SGCD: variants seen among roughly 807,000 people sequenced by gnomAD.
SGCD encodes the protein sarcoglycan delta, also known as delta-sarcoglycan.
In SGCD, 18 loss-of-function variants were observed where a neutral mutation model predicts 36.6. That is an observed-to-expected ratio of 0.49 (90% CI 0.34 to 0.73). The LOEUF (loss-of-function observed/expected upper bound fraction) is 0.73, where lower values mean the gene tolerates loss of function less well. Ranked by LOEUF, SGCD falls within the 30% of genes least tolerant of loss-of-function variation. The pLI is 0.01. For synonymous variants in SGCD, 133 were observed against 130.6 expected (o/e 1.02, Z -0.12); for missense variants, 387 against 346.7 (o/e 1.12, Z -0.92).
chr5:156,524,123 T>C (rs1317678116), intron 4 of SGCD, among the ~76,000 whole-genome samples: 1 of 105,050 alleles, frequency 9.5e-6, no homozygotes, highest in Non-Finnish European at 1.9e-5. Flanking sequence ...TATATATATA[T>C]ATATATATAT....
intron 3 of SGCD, among the ~76,000 whole-genome samples, chr5:156,443,431 G>A (rs1017529255): frequency 6.6e-6 from 1 of 152,166 alleles, no homozygotes; most frequent in Non-Finnish European, 1.5e-5. Flanking sequence ...ATGTGATTCT[G>A]CAGCGTTTCC....
In SGCD at chr5:156,301,099, T is replaced by A. The variant is rs910964352; in HGVS notation, c.-43-28435T>A. ...TTCCATTTATATTCAATATTATTAT[T>A]GATAAGTAAGGACTTGCTCCTGCCA... On this transcript the variant is annotated intron_variant, in intron 3 of 9. Transcript: ENST00000517913. Among the ~76,000 whole-genome samples the A allele has an allele frequency of 5.9e-5, 9 of 152,190 alleles. No homozygotes were observed. The East Asian group carries it at 1.3e-3, about 23-fold the overall frequency.
chr5:156,188,665 AC>A (rs749449803), intron 3 of SGCD, among the ~76,000 whole-genome samples: 8 of 118,566 alleles, frequency 6.7e-5, no homozygotes, highest in Non-Finnish European at 9.1e-5. Flanking sequence ...GACCACCCCA[AC>A]CGCCCCCCCC....
At chr5:156,173,426 T>C (rs915374617) in intron 3 of SGCD, among the ~76,000 whole-genome samples, 1 of 152,180 alleles carries the variant, frequency 6.6e-6, no homozygotes, top group African/African-American at 2.4e-5. Context: ...AATGTCTTTT[T>C]GTTCTTAACA....
intron 3 of SGCD, among the ~76,000 whole-genome samples, chr5:156,417,191 A>T (rs1308998401): frequency 6.6e-6 from 1 of 152,192 alleles, no homozygotes; most frequent in Admixed American, 6.5e-5. Flanking sequence ...GAATTTTTTC[A>T]TCTCATTCCC....
chr5:156,384,702 T>C (rs1771182797), intron 3 of SGCD, among the ~76,000 whole-genome samples: 1 of 152,226 alleles, frequency 6.6e-6, no homozygotes, highest in Non-Finnish European at 1.5e-5. Context: ...TTGTCAATGG[T>C]ATCAGATGTG....
chr5:156,111,275 G>A (rs1358842915), intron 1 of SGCD, among the ~76,000 whole-genome samples: 4 of 152,126 alleles, frequency 2.6e-5, no homozygotes, highest in African/African-American at 9.7e-5. Flanking sequence ...ATGATGCCAA[G>A]TGTGGCTGGT....
At chr5:156,074,089 A>G (rs1488914813) in intron 1 of SGCD, among the ~76,000 whole-genome samples, 3 of 152,152 alleles carry the variant, frequency 2.0e-5, no homozygotes, top group East Asian at 3.8e-4. Flanking sequence ...CATCAGACTT[A>G]TTTTCTTGAA....
chr5:156,136,797 C>A (rs1016680060), intron 3 of SGCD, among the ~76,000 whole-genome samples: 3 of 152,162 alleles, frequency 2.0e-5, no homozygotes, highest in African/African-American at 7.2e-5. Flanking sequence ...GCAAAAGTTA[C>A]TACCTTCTTC....
chr5:155,728,198 G>C, the SGCD span, among the ~76,000 whole-genome samples: 1 of 151,786 alleles, frequency 6.6e-6, no homozygotes, highest in Non-Finnish European at 1.5e-5. Flanking sequence ...GCTCGCCCTC[G>C]CTCCCTCCCT....
intron 7 of SGCD, among the ~76,000 whole-genome samples, chr5:156,744,206 A>G (rs1270547159): frequency 6.6e-6 from 1 of 152,184 alleles, no homozygotes; most frequent in African/African-American, 2.4e-5. Flanking sequence ...TAATGTATCA[A>G]CCTACCTGAG....
At chr5:155,728,434 G>GGGAGGAGGACTAGAACA in the SGCD span, among the ~76,000 whole-genome samples, 4 of 152,212 alleles carry the variant, frequency 2.6e-5, no homozygotes, top group African/African-American at 9.6e-5. Context: ...AGCACCGGCG[G>GGGAGGAGGACTAGAACA]GGAGGAGGAC....
At chr5:155,784,388 G>A in the SGCD span, among the ~76,000 whole-genome samples, 1 of 152,192 alleles carries the variant, frequency 6.6e-6, no homozygotes, top group Non-Finnish European at 1.5e-5. Context: ...AAGCCGTGAA[G>A]CTAGGAAGGT....
chr5:156,651,756 C>T (rs1016308443), intron 7 of SGCD, among the ~76,000 whole-genome samples: 17 of 151,744 alleles, frequency 1.1e-4, no homozygotes, highest in African/African-American at 4.1e-4. Flanking sequence ...TTTCTTTTTG[C>T]TTAGGATTGC....
In SGCD at chr5:156,246,279, GTGAGCTGTAGT is replaced by G. The variant is rs796945513; in HGVS notation, c.-43-83253_-43-83243del. ...TTCTGCTTCCATGGAGAGTTCTCCA[GTGAGCTGTAGT>G]TCCATAAAATCAGCACATTTTCATC... On this transcript the variant is annotated intron_variant, in intron 3 of 9. Coordinates refer to the SGCD transcript ENST00000517913. Among the ~76,000 whole-genome samples the G allele has an allele frequency of 2.0e-5, 3 of 152,256 alleles. 1 individual carries two copies. The highest frequency in any genetic ancestry group is 7.2e-5 in the African/African-American group (3 of 41,558).
At chr5:155,784,771 G>C in the SGCD span, among the ~76,000 whole-genome samples, 2 of 151,204 alleles carry the variant, frequency 1.3e-5, no homozygotes, top group East Asian at 3.9e-4. Flanking sequence ...CTATAAATAA[G>C]GAAAAAAATG....
intron 1 of SGCD, among the ~76,000 whole-genome samples, chr5:156,105,037 C>G (rs1052361969): frequency 6.6e-6 from 1 of 152,022 alleles, no homozygotes; most frequent in African/African-American, 2.4e-5. Context: ...AGGAGATATA[C>G]CTAATGTAAA....
intron 3 of SGCD, among the ~76,000 whole-genome samples, chr5:156,239,948 T>G (rs893435933): frequency 6.6e-6 from 1 of 152,176 alleles, no homozygotes; most frequent in African/African-American, 2.4e-5. Context: ...ACTTTTGAAA[T>G]TCACCTAGAT....
At chr5:156,542,798 G>A (rs1050177479) in intron 4 of SGCD, among the ~76,000 whole-genome samples, 1 of 152,144 alleles carries the variant, frequency 6.6e-6, no homozygotes, top group Non-Finnish European at 1.5e-5. Context: ...AGGTTCTGCT[G>A]TGCTGCCTTG....
Sources: allele counts gnomAD v4.1 joint callset (sites outside exome capture counted in the v4.1 genomes callset), GRCh38; gene constraint gnomAD v4.1.1; transcripts MANE v1.5; gene names NCBI Gene and HGNC (gene_info 2026-07-23, HGNC 2026-07-21).